GRB2: variants seen among roughly 807,000 people sequenced by gnomAD.
GRB2 encodes growth factor receptor-bound protein 2.
In GRB2, 2 loss-of-function variants were observed where a neutral mutation model predicts 27.4. The ratio of observed to expected loss-of-function variants is 0.07; its 90% confidence interval spans 0.03 to 0.23. The LOEUF is 0.23. Ranked by LOEUF, GRB2 falls within the 10% of genes least tolerant of loss-of-function variation. The probability of loss-of-function intolerance (pLI) is 1.00; values close to 1 mark genes in which losing one functional copy is unlikely to be tolerated. For missense variants in GRB2, 102 were observed against 282.4 expected (o/e 0.36, Z 4.58); for synonymous variants, 94 against 99.6 (o/e 0.94, Z 0.33).
chr17:75,372,228 T>C (rs1450948260), intron 2 of GRB2: 4 of 152,162 alleles, frequency 2.6e-5, no homozygotes, highest in African/African-American at 7.2e-5. Flanking sequence ...TTATTTCCAC[T>C]AGTGAAGATG....
intron 2 of GRB2, among the ~76,000 whole-genome samples, chr17:75,388,310 C>T (rs1419530387): frequency 6.6e-6 from 1 of 152,016 alleles, no homozygotes; most frequent in Non-Finnish European, 1.5e-5. Flanking sequence ...ACCATGTTGG[C>T]CAGGCTGGTC....
chr17:75,359,120 C>CTGGGTTTA (rs2078759608), intron 2 of GRB2, among the ~76,000 whole-genome samples: 2 of 122,694 alleles, frequency 1.6e-5, no homozygotes, highest in Non-Finnish European at 3.2e-5. Flanking sequence ...GAGGCTGAGG[C>CTGGGTTTA]AGGAGAATCC....
At chr17:75,373,846 C>T (rs1305476892) in intron 2 of GRB2, 8 of 138,314 alleles carry the variant, frequency 5.8e-5, no homozygotes, top group Non-Finnish European at 9.1e-5. Context: ...CTCGCTCTAT[C>T]GCCCAGGCAC....
At chr17:75,378,768 G>A (rs1031776432) in intron 2 of GRB2, among the ~76,000 whole-genome samples, 2 of 152,046 alleles carry the variant, frequency 1.3e-5, no homozygotes, top group African/African-American at 4.8e-5. Context: ...AGAAGGAGAC[G>A]AACCAATTAA....
chr17:75,380,108 C>T lies in GRB2; in HGVS notation c.78+13443G>A, dbSNP rs1311147092. On this transcript the variant is annotated intron_variant, in intron 2 of 5. Transcript: ENST00000316804. ...TTCTAGTTTATCTTATTAGATTCTA[C>T]AAAATTTCTATGTAATAGCCTTATA... Among the ~76,000 whole-genome samples the T allele has an allele frequency of 2.3e-4, 35 of 152,150 alleles. 1 individual carries two copies. The highest frequency in any genetic ancestry group is 2.3e-3 in the Admixed American group (35 of 15,252).
chr17:75,341,768 G>T (rs1655423024), intron 2 of GRB2, among the ~76,000 whole-genome samples: 1 of 152,106 alleles, frequency 6.6e-6, no homozygotes, highest in Non-Finnish European at 1.5e-5. Flanking sequence ...TCAAAGTGGG[G>T]ATCAGTGTGA....
At chr17:75,343,144 A>C (rs2078632788) in intron 2 of GRB2, among the ~76,000 whole-genome samples, 1 of 150,522 alleles carries the variant, frequency 6.6e-6, no homozygotes, top group Admixed American at 6.6e-5. Context: ...GGGCTGGACC[A>C]GGGAGAGAGG....
chr17:75,374,652 T>C (rs1598245533), intron 2 of GRB2, among the ~76,000 whole-genome samples: 1 of 151,610 alleles, frequency 6.6e-6, no homozygotes, highest in African/African-American at 2.4e-5. Context: ...CCGAGTGTGG[T>C]GGCACATGCC....
At chr17:75,386,197 C>A (rs1049653709) in intron 2 of GRB2, among the ~76,000 whole-genome samples, 13 of 151,998 alleles carry the variant, frequency 8.6e-5, no homozygotes, top group African/African-American at 2.7e-4. Context: ...CGGCTCACTG[C>A]AACCTCTGCC....
rs571586198 is a variant in GRB2 at position 75,395,865 on chromosome 17, T to TA, written c.-137-2101dup. 4.6e-3 allele frequency among the ~76,000 whole-genome samples: 690 copies of TA among 151,432 alleles called. 2 individuals are homozygous for TA. Among genetic ancestry groups the TA allele is most frequent in the Non-Finnish European group, 7.7e-3 (522 of 67,836 alleles). ...GTTTTTTTTTTTTTCTTTTTTGAGATAGAGTTCTCTAAGATTGCCCAGGCT... is the reference window on the plus strand; with the variant it reads ...GTTTTTTTTTTTTTCTTTTTTGAGATAAGAGTTCTCTAAGATTGCCCAGGCT... On this transcript the variant is annotated intron_variant, in intron 1 of 5. Coordinates refer to ENST00000316804, the MANE Select transcript of GRB2 (RefSeq NM_002086.5).
intron 4 of GRB2, among the ~76,000 whole-genome samples, chr17:75,325,027 G>A (rs1304191295): frequency 6.6e-6 from 1 of 152,080 alleles, no homozygotes; most frequent in African/African-American, 2.4e-5. Context: ...AGTGAGCTGA[G>A]GCATGCCATT....
intron 2 of GRB2, among the ~76,000 whole-genome samples, chr17:75,374,155 T>C (rs1188919951): frequency 7.2e-5 from 11 of 151,828 alleles, no homozygotes; most frequent in African/African-American, 2.4e-4. Context: ...CTTGTAATCC[T>C]AGCACTTTGG....
At chr17:75,386,898 A>C (rs2078967247) in intron 2 of GRB2, among the ~76,000 whole-genome samples, 3 of 152,176 alleles carry the variant, frequency 2.0e-5, no homozygotes, top group Non-Finnish European at 4.4e-5. Context: ...GATCTTGGCC[A>C]GGCGCGGTGG....
intron 1 of GRB2, among the ~76,000 whole-genome samples, chr17:75,400,491 C>T (rs9747801): frequency 0.67 from 101,549 of 151,754 alleles, 39,044 homozygotes; most frequent in East Asian, 0.96. Context: ...TTTTTTCTTT[C>T]TGAGACAGAG....
chr17:75,403,212 T>C (rs891482979), intron 1 of GRB2, among the ~76,000 whole-genome samples: 1 of 148,624 alleles, frequency 6.7e-6, no homozygotes, highest in Non-Finnish European at 1.5e-5. Flanking sequence ...CATTCAGTAA[T>C]GGTGGAGAGT....
At chr17:75,393,487 G>A (rs1055658427) in intron 2 of GRB2, 64 bp downstream of exon 2, 2 of 1,238,674 alleles carry the variant, frequency 1.6e-6, no homozygotes, top group East Asian at 2.3e-5. Context: ...TGTAATCAGG[G>A]CGAAAGAAGG....
intron 2 of GRB2, among the ~76,000 whole-genome samples, chr17:75,387,251 A>T (rs1325937379): frequency 1.3e-5 from 2 of 151,980 alleles, no homozygotes; most frequent in Non-Finnish European, 2.9e-5. Flanking sequence ...TGAGGCCAGG[A>T]GTTCGAGACT....
At chr17:75,395,279 G>A (rs1181680217) in intron 1 of GRB2, among the ~76,000 whole-genome samples, 1 of 152,108 alleles carries the variant, frequency 6.6e-6, no homozygotes, top group Non-Finnish European at 1.5e-5. Context: ...TTCTGCTGCA[G>A]GTAACTAATA....
chr17:75,398,998 T>A (rs563639999), intron 1 of GRB2, among the ~76,000 whole-genome samples: 9 of 152,216 alleles, frequency 5.9e-5, no homozygotes, highest in African/African-American at 2.2e-4. Context: ...TCCGCCCACT[T>A]TGCCCTCCCA....
Sources: allele counts gnomAD v4.1 joint callset (sites outside exome capture counted in the v4.1 genomes callset), GRCh38; gene constraint gnomAD v4.1.1; transcripts MANE v1.5; gene names NCBI Gene and HGNC (gene_info 2026-07-23, HGNC 2026-07-21).